TACR3: variants seen among roughly 807,000 people sequenced by gnomAD.
TACR3 encodes the protein tachykinin receptor 3.
In TACR3, 34 loss-of-function variants were observed where a neutral mutation model predicts 35.0. The observed-to-expected ratio is 0.97, with a 90% CI of 0.74 to 1.30. The LOEUF (loss-of-function observed/expected upper bound fraction) is 1.30, where lower values mean the gene tolerates loss of function less well. Ranked by LOEUF, TACR3 falls within the 50% of genes most tolerant of loss-of-function variation. The pLI, the probability that TACR3 is intolerant of heterozygous loss-of-function variation, is 0.00. For synonymous variants in TACR3, 233 were observed against 221.1 expected (o/e 1.05, Z -0.48); for missense variants, 558 against 591.7 (o/e 0.94, Z 0.59).
At chr4:103,675,233 C>T (rs6533105) in intron 1 of TACR3, among the ~76,000 whole-genome samples, 7,821 of 152,136 alleles carry the variant, frequency 0.051, 702 homozygotes, top group African/African-American at 0.18. Context: ...ATGAGTTTCC[C>T]TGCTGTGGCT....
intron 3 of TACR3, among the ~76,000 whole-genome samples, chr4:103,607,938 A>G (rs1724421556): frequency 6.6e-6 from 1 of 152,142 alleles, no homozygotes; most frequent in Non-Finnish European, 1.5e-5. Flanking sequence ...AGTTTTAGTA[A>G]GATAAGAAAT....
At chr4:103,629,460 A>C (rs571727283) in intron 3 of TACR3, among the ~76,000 whole-genome samples, 1 of 152,304 alleles carries the variant, frequency 6.6e-6, no homozygotes, top group African/African-American at 2.4e-5. Flanking sequence ...TACAAAATCA[A>C]TGTGCAAAAA....
intron 3 of TACR3, among the ~76,000 whole-genome samples, chr4:103,608,553 TAAAA>T (rs1724437172): frequency 6.6e-6 from 1 of 151,854 alleles, no homozygotes; most frequent in African/African-American, 2.4e-5. Flanking sequence ...GAATCTGAAA[TAAAA>T]AAAGAATTAT....
chr4:103,719,200 C>A lies in TACR3; in HGVS notation c.476G>T (p.Arg159Leu). ...SEWYFGANYC[R>L]FQNFFPITAV... is the part of the protein sequence containing the mutation. Reference sequence around the variant, plus strand: ...TGTGATAGGAAAGAAGTTCTGGAAGCGGCAGTAGTTGGCGCCAAAGTACCA... The same window carrying A: ...TGTGATAGGAAAGAAGTTCTGGAAGAGGCAGTAGTTGGCGCCAAAGTACCA... The change falls in exon 1 of 5, where the codon CGC becomes CTC. Residue 159 changes from arginine to leucine, a missense_variant. Coordinates refer to ENST00000304883, the MANE Select transcript of TACR3 (RefSeq NM_001059.3). 1 of 1,614,150 alleles carries A rather than the reference C, an allele frequency of 6.2e-7. No homozygotes were observed. Among genetic ancestry groups the A allele is most frequent in the Non-Finnish European group, 8.5e-7 (1 of 1,180,040 alleles).
intron 3 of TACR3, among the ~76,000 whole-genome samples, chr4:103,640,490 C>CTTTT (rs1725331574): frequency 6.6e-6 from 1 of 151,702 alleles, no homozygotes. Context: ...CTGTTTAGTT[C>CTTTT]TTTTGCCCAT....
At chr4:103,617,598 T>G (rs1177400222) in intron 3 of TACR3, among the ~76,000 whole-genome samples, 2 of 152,150 alleles carry the variant, frequency 1.3e-5, no homozygotes, top group Non-Finnish European at 2.9e-5. Context: ...TTTTAGCAAC[T>G]CATAAACATA....
chr4:103,607,458 AAAAT>A (rs1724406468), intron 3 of TACR3, among the ~76,000 whole-genome samples: 2 of 151,836 alleles, frequency 1.3e-5, no homozygotes, highest in South Asian at 2.1e-4. Context: ...AATATTATTT[AAAAT>A]AAATAAAACA....
At chr4:103,646,479 GTTTTATGTCC>G (rs1725457181) in intron 3 of TACR3, among the ~76,000 whole-genome samples, 1 of 151,770 alleles carries the variant, frequency 6.6e-6, no homozygotes, top group Admixed American at 6.6e-5. Context: ...TAAATATTAT[GTTTTATGTCC>G]AATCATACAG....
At chr4:103,690,619 T>C (rs1722382700) in intron 1 of TACR3, among the ~76,000 whole-genome samples, 1 of 152,132 alleles carries the variant, frequency 6.6e-6, no homozygotes, top group Admixed American at 6.5e-5. Context: ...GTGAACACCA[T>C]TCACCTATTA....
At chr4:103,658,111 A>G in intron 2 of TACR3, 104 bp downstream of exon 2, 1 of 1,144,928 alleles carries the variant, frequency 8.7e-7, no homozygotes, top group Non-Finnish European at 1.3e-6. Context: ...ATAATGTATG[A>G]ACCCTGGGGG....
intron 3 of TACR3, among the ~76,000 whole-genome samples, chr4:103,601,290 T>G (rs986857733): frequency 1.3e-5 from 2 of 152,138 alleles, no homozygotes; most frequent in Non-Finnish European, 2.9e-5. Context: ...TCTCTGCATG[T>G]GAGATGGGTT....
At chr4:103,708,838 C>A (rs1722863574) in intron 1 of TACR3, among the ~76,000 whole-genome samples, 1 of 152,168 alleles carries the variant, frequency 6.6e-6, no homozygotes, top group Non-Finnish European at 1.5e-5. Context: ...AAAGCCATGG[C>A]ACGAGAACTA....
At chr4:103,621,796 G>A (rs1261137301) in intron 3 of TACR3, among the ~76,000 whole-genome samples, 4 of 152,170 alleles carry the variant, frequency 2.6e-5, no homozygotes, top group Non-Finnish European at 5.9e-5. Flanking sequence ...TAGGTTTGGA[G>A]TGAGAGGTGG....
intron 1 of TACR3, among the ~76,000 whole-genome samples, chr4:103,716,146 T>A (rs763616453): frequency 2.0e-5 from 3 of 152,060 alleles, no homozygotes; most frequent in Admixed American, 2.0e-4. Context: ...ATATGTTATT[T>A]TTCAAAATGG....
chr4:103,601,462 T>C (rs1308585900), intron 3 of TACR3, among the ~76,000 whole-genome samples: 1 of 152,216 alleles, frequency 6.6e-6, no homozygotes, highest in Non-Finnish European at 1.5e-5. Context: ...CGATATTTGA[T>C]GCAGTTTCTT....
intron 3 of TACR3, among the ~76,000 whole-genome samples, chr4:103,602,327 T>G (rs565761747): frequency 6.6e-6 from 1 of 152,282 alleles, no homozygotes; most frequent in South Asian, 2.1e-4. Flanking sequence ...TGCCATTGGT[T>G]TGAATTTCTC....
intron 3 of TACR3, among the ~76,000 whole-genome samples, chr4:103,597,857 G>C (rs1361398193): frequency 6.6e-6 from 1 of 152,108 alleles, no homozygotes; most frequent in Non-Finnish European, 1.5e-5. Context: ...TATTGTTTTT[G>C]GACATTTAAG....
chr4:103,601,392 G>A (rs183533611), intron 3 of TACR3, among the ~76,000 whole-genome samples: 4 of 152,222 alleles, frequency 2.6e-5, no homozygotes, highest in African/African-American at 9.6e-5. Context: ...TACATTTAAA[G>A]TTAATATTAT....
chr4:103,671,834 A>G lies in TACR3; in HGVS notation c.549-13431T>C, dbSNP rs57994344. On this transcript the variant is annotated intron_variant, in intron 1 of 4. Coordinates refer to ENST00000304883, the MANE Select transcript of TACR3 (RefSeq NM_001059.3). The stretch of plus-strand genomic sequence containing the variant: ...CACAAAGGTTTTTAAAAATAAGACA[A>G]TAATGAAGTTTACCACATCAATTAA... 1.3e-3 allele frequency among the ~76,000 whole-genome samples: 198 copies of G among 152,178 alleles called. 3 individuals are homozygous for G. In the East Asian group the frequency reaches 0.015, roughly 11 times the overall value.
Sources: gnomAD v4.1 joint callset for allele counts (sites outside exome capture counted in the v4.1 genomes callset) on GRCh38, gnomAD v4.1.1 for gene constraint, MANE v1.5 for transcripts, NCBI Gene and HGNC (gene_info 2026-07-23, HGNC 2026-07-21) for gene names.